Variants in C9orf85 observed in about 807,000 individuals in gnomAD.
C9orf85 encodes chromosome 9 open reading frame 85.
A neutral mutation model predicts 14.9 loss-of-function variants in C9orf85; 16 were observed. The ratio of observed to expected loss-of-function variants is 1.08; its 90% CI spans 0.73 to 1.63. The LOEUF (loss-of-function observed/expected upper bound fraction) is 1.63, where lower values mean the gene tolerates loss of function less well. Ranked by LOEUF, C9orf85 falls within the 40% of genes most tolerant of loss-of-function variation. C9orf85 has a pLI of 0.00. For synonymous variants in C9orf85, 45 were observed against 56.8 expected (o/e 0.79, Z 0.93); for missense variants, 172 against 186.1 (o/e 0.92, Z 0.44).
At chr9:71,961,473 A>C (rs1822521954) in intron 2 of C9orf85, among the ~76,000 whole-genome samples, 1 of 151,982 alleles carries the variant, frequency 6.6e-6, no homozygotes, top group South Asian at 2.1e-4. Context: ...AGGCAGGAGA[A>C]TCGCTTGAAC....
intron 2 of C9orf85, among the ~76,000 whole-genome samples, chr9:71,970,740 A>G (rs1437845620): frequency 6.6e-6 from 1 of 152,134 alleles, no homozygotes; most frequent in Non-Finnish European, 1.5e-5. Flanking sequence ...CTGCAAAAAA[A>G]GCCAGCTGGA....
intron 1 of C9orf85, among the ~76,000 whole-genome samples, chr9:71,914,486 A>G (rs1037797803): frequency 6.6e-6 from 1 of 152,140 alleles, no homozygotes. Flanking sequence ...TAAATACTTT[A>G]TGATTTGGTA....
intron 2 of C9orf85, among the ~76,000 whole-genome samples, chr9:71,966,480 C>T (rs73475964): frequency 0.012 from 1,839 of 152,094 alleles, 32 homozygotes; most frequent in African/African-American, 0.042. Context: ...TAAAATTTTT[C>T]CTTACCATTT....
intron 2 of C9orf85, among the ~76,000 whole-genome samples, chr9:71,969,615 C>A (rs1337554297): frequency 1.3e-5 from 2 of 152,096 alleles, no homozygotes; most frequent in Non-Finnish European, 2.9e-5. Context: ...TATTACAGCA[C>A]CCCTTTGTTT....
At chr9:71,922,676 T>C (rs1017764531) in intron 1 of C9orf85, among the ~76,000 whole-genome samples, 1 of 152,238 alleles carries the variant, frequency 6.6e-6, no homozygotes, top group Non-Finnish European at 1.5e-5. Flanking sequence ...GTACCTGGGC[T>C]TGCTACCTTT....
At chr9:71,968,867 C>G (rs527552516) in intron 2 of C9orf85, among the ~76,000 whole-genome samples, 7 of 152,172 alleles carry the variant, frequency 4.6e-5, no homozygotes, top group African/African-American at 1.4e-4. Flanking sequence ...TAAGCTAATT[C>G]CAACTGGCTA....
intron 2 of C9orf85, among the ~76,000 whole-genome samples, chr9:71,968,101 T>TAGAGAGAGAGAG (rs3044594): frequency 6.8e-6 from 1 of 146,724 alleles, no homozygotes; most frequent in Admixed American, 6.9e-5. Context: ...TATATATATA[T>TAGAGAGAGAGAG]AGAGAGAGAG....
chr9:71,960,626 G>A (rs1326772898), intron 2 of C9orf85, among the ~76,000 whole-genome samples: 2 of 152,140 alleles, frequency 1.3e-5, no homozygotes, highest in Non-Finnish European at 1.5e-5. Flanking sequence ...AGGCTGGAGT[G>A]CAGTGGGGCG....
At chr9:71,919,953 A>G (rs1043855317) in intron 1 of C9orf85, among the ~76,000 whole-genome samples, 1 of 150,568 alleles carries the variant, frequency 6.6e-6, no homozygotes, top group South Asian at 2.1e-4. Context: ...GGGTTCAAGC[A>G]CTTCTCCTGC....
chr9:71,977,146 T>C (rs1229730880), downstream of C9orf85, among the ~76,000 whole-genome samples: 1 of 152,038 alleles, frequency 6.6e-6, no homozygotes, highest in African/African-American at 2.4e-5. Context: ...GTAAGATAAT[T>C]ACATGTCCAG....
At position 71,911,655 on chromosome 9, in the gene C9orf85, A is replaced by C. The variant is rs1009995733; in HGVS notation, c.-80A>C. ...TTCCGGGTCATTGACAGAAGCGTCA[A>C]TTCCTGGGAGTAGTTCGTTGGTTTT... is the stretch of plus-strand genomic sequence containing the variant. On this transcript the variant is annotated 5_prime_UTR_variant, in exon 1 of 4. Transcript: ENST00000334731. The C allele has an allele frequency of 3.2e-6, 4 of 1,238,602 alleles. No homozygotes were observed. Among genetic ancestry groups the C allele is most frequent in the African/African-American group, 3.0e-5 (2 of 67,564 alleles). 76.7% of individuals were successfully genotyped at this position (1,238,602 alleles called of 1,614,324 possible).
At chr9:71,924,916 GTCATCTATTAT>G (rs1480391049) in intron 1 of C9orf85, among the ~76,000 whole-genome samples, 2 of 152,148 alleles carry the variant, frequency 1.3e-5, no homozygotes, top group Non-Finnish European at 2.9e-5. Context: ...GTGGTAAGTT[GTCATCTATTAT>G]TGATATAAAA....
chr9:71,954,131 G>A (rs1356690302), intron 2 of C9orf85, among the ~76,000 whole-genome samples: 2 of 116,986 alleles, frequency 1.7e-5, no homozygotes, highest in African/African-American at 6.1e-5. Flanking sequence ...AAAAAAAAAA[G>A]CGTATTTTAC....
At chr9:71,925,171 A>G (rs1323880509) in intron 1 of C9orf85, among the ~76,000 whole-genome samples, 1 of 152,200 alleles carries the variant, frequency 6.6e-6, no homozygotes, top group East Asian at 1.9e-4. Context: ...AGTCAGTCAA[A>G]TTTAACTGAG....
At chr9:71,971,429 C>T in intron 2 of C9orf85, 76 bp from the exon 3 acceptor site, 2 of 856,628 alleles carry the variant, frequency 2.3e-6, no homozygotes, top group Non-Finnish European at 3.5e-6. Context: ...TTTAACTATA[C>T]ATTTAGACAC....
chr9:71,976,999 T>A (rs1317438986), downstream of C9orf85, among the ~76,000 whole-genome samples: 1 of 152,082 alleles, frequency 6.6e-6, no homozygotes, highest in Non-Finnish European at 1.5e-5. Context: ...TGAATATGAT[T>A]GTGAGGAAGC....
At chr9:71,950,456 C>G (rs1822215839) in intron 2 of C9orf85, among the ~76,000 whole-genome samples, 2 of 152,112 alleles carry the variant, frequency 1.3e-5, no homozygotes, top group Admixed American at 1.3e-4. Flanking sequence ...CAGCCTCTGC[C>G]TCCTGGGTTC....
At chr9:71,921,625 G>T (rs1431829952) in intron 1 of C9orf85, among the ~76,000 whole-genome samples, 2 of 152,172 alleles carry the variant, frequency 1.3e-5, no homozygotes, top group South Asian at 2.1e-4. Context: ...GCCCATCTTG[G>T]GTACTTGTTC....
chr9:71,915,797 A>C (rs1300808353), intron 1 of C9orf85, among the ~76,000 whole-genome samples: 1 of 152,234 alleles, frequency 6.6e-6, no homozygotes, highest in African/African-American at 2.4e-5. Context: ...TGGATGTGTC[A>C]GAACAGAAAG....
Sources: gnomAD v4.1 joint callset for allele counts (sites outside exome capture counted in the v4.1 genomes callset) on GRCh38, gnomAD v4.1.1 for gene constraint, MANE v1.5 for transcripts, NCBI Gene and HGNC (gene_info 2026-07-23, HGNC 2026-07-21) for gene names.